The following UBE2G1 variants were observed in gnomAD, a reference collection of about 807,000 sequenced individuals.
The protein encoded by UBE2G1 is ubiquitin-conjugating enzyme E2 G1.
A neutral mutation model predicts 22.7 loss-of-function variants in UBE2G1; 5 were observed. That is an observed-to-expected ratio of 0.22 (90% confidence interval 0.12 to 0.46). UBE2G1 has a LOEUF of 0.46. Ranked by LOEUF, UBE2G1 falls within the 20% of genes least tolerant of loss-of-function variation. The pLI is 0.99. For synonymous variants in UBE2G1, 74 were observed against 67.5 expected (o/e 1.10, Z -0.47); for missense variants, 88 against 203.9 (o/e 0.43, Z 3.46).
intron 1 of UBE2G1, among the ~76,000 whole-genome samples, chr17:4,338,731 T>A (rs1969677864): frequency 6.6e-6 from 1 of 152,206 alleles, no homozygotes; most frequent in East Asian, 1.9e-4. Flanking sequence ...CAAAACAATT[T>A]GATGATCTGG....
At chr17:4,303,815 C>T (rs1366294078) in intron 2 of UBE2G1, among the ~76,000 whole-genome samples, 1 of 152,108 alleles carries the variant, frequency 6.6e-6, no homozygotes, top group Non-Finnish European at 1.5e-5. Flanking sequence ...CAAGGCAATA[C>T]TACAAAACAC....
At chr17:4,363,032 G>C (rs1432261359) in intron 1 of UBE2G1, among the ~76,000 whole-genome samples, 2 of 152,270 alleles carry the variant, frequency 1.3e-5, no homozygotes, top group Non-Finnish European at 2.9e-5. Flanking sequence ...CGAGGCAGGA[G>C]AATCACTTGA....
chr17:4,321,508 T>C (rs1394036869), intron 1 of UBE2G1, among the ~76,000 whole-genome samples: 1 of 152,178 alleles, frequency 6.6e-6, no homozygotes, highest in Non-Finnish European at 1.5e-5. Flanking sequence ...CTTTCTTTTT[T>C]TGGAGACAGA....
At chr17:4,359,030 G>C (rs1969938026) in intron 1 of UBE2G1, among the ~76,000 whole-genome samples, 1 of 151,396 alleles carries the variant, frequency 6.6e-6, no homozygotes, top group Non-Finnish European at 1.5e-5. Context: ...AGAAACCCTA[G>C]AAAATATATA....
At chr17:4,272,704 T>C (rs1288067353) in intron 5 of UBE2G1, among the ~76,000 whole-genome samples, 188 bp from the exon 6 acceptor site, 1 of 152,216 alleles carries the variant, frequency 6.6e-6, no homozygotes, top group Non-Finnish European at 1.5e-5. Flanking sequence ...TGTAAATTAA[T>C]TGCCATTAAG....
At chr17:4,337,101 T>C (rs1158779944) in intron 1 of UBE2G1, among the ~76,000 whole-genome samples, 1 of 152,068 alleles carries the variant, frequency 6.6e-6, no homozygotes, top group Non-Finnish European at 1.5e-5. Flanking sequence ...TCAAAATCAA[T>C]AGAGATTACC....
chr17:4,362,372 GGA>G (rs1247241383), intron 1 of UBE2G1, among the ~76,000 whole-genome samples: 1 of 152,180 alleles, frequency 6.6e-6, no homozygotes, highest in East Asian at 1.9e-4. Flanking sequence ...ATTTGGCAAT[GGA>G]GACATTTATG....
intron 2 of UBE2G1, among the ~76,000 whole-genome samples, chr17:4,299,986 C>T (rs1178578295): frequency 6.6e-6 from 1 of 151,894 alleles, no homozygotes; most frequent in East Asian, 1.9e-4. Context: ...ACCACCACGT[C>T]CCGCTAATTT....
At chr17:4,353,117 T>C (rs185792124) in intron 1 of UBE2G1, among the ~76,000 whole-genome samples, 2 of 151,820 alleles carry the variant, frequency 1.3e-5, no homozygotes, top group African/African-American at 2.4e-5. Flanking sequence ...ACCCAGGAGG[T>C]TGAGGCAGGA....
intron 3 of UBE2G1, 88 bp from the exon 4 acceptor site, chr17:4,289,496 C>T (rs1297598271): frequency 3.0e-6 from 4 of 1,354,300 alleles, no homozygotes; most frequent in Non-Finnish European, 2.9e-6. Context: ...CTGATTCACA[C>T]AGTACCTTTA....
intron 4 of UBE2G1, among the ~76,000 whole-genome samples, chr17:4,284,859 T>G (rs1164386362): frequency 8.6e-6 from 1 of 116,040 alleles, no homozygotes; most frequent in African/African-American, 3.2e-5. Flanking sequence ...TTTTTTTTTT[T>G]TTGGAGATAG....
chr17:4,352,172 T>C (rs1969853124), intron 1 of UBE2G1, among the ~76,000 whole-genome samples: 1 of 152,184 alleles, frequency 6.6e-6, no homozygotes, highest in African/African-American at 2.4e-5. Flanking sequence ...AGGACCTAAG[T>C]AGAAAAGGGA....
intron 2 of UBE2G1, among the ~76,000 whole-genome samples, chr17:4,298,025 G>A (rs577271794): frequency 1.1e-4 from 16 of 152,318 alleles, no homozygotes; most frequent in South Asian, 4.1e-4. Flanking sequence ...GAGCACTGTG[G>A]AGCTTATCAT....
intron 1 of UBE2G1, among the ~76,000 whole-genome samples, chr17:4,341,308 C>T (rs1035377032): frequency 3.9e-5 from 6 of 152,072 alleles, no homozygotes; most frequent in Non-Finnish European, 8.8e-5. Context: ...TGAAAATGTT[C>T]CCCATTTTAC....
intron 1 of UBE2G1, among the ~76,000 whole-genome samples, chr17:4,307,529 A>G (rs1161775408): frequency 6.6e-6 from 1 of 152,136 alleles, no homozygotes; most frequent in Non-Finnish European, 1.5e-5. Flanking sequence ...GTCTAATCAT[A>G]CCTTTTCATT....
At chr17:4,290,032 C>T (rs1381268870) in intron 3 of UBE2G1, among the ~76,000 whole-genome samples, 1 of 152,068 alleles carries the variant, frequency 6.6e-6, no homozygotes, top group Non-Finnish European at 1.5e-5. Flanking sequence ...AATAAGAAAA[C>T]ATCCTTATTT....
chr17:4,340,879 C>T (rs1169065811), intron 1 of UBE2G1, among the ~76,000 whole-genome samples: 4 of 143,376 alleles, frequency 2.8e-5, no homozygotes, highest in Admixed American at 2.8e-4. Flanking sequence ...CACCCGGCCC[C>T]TTAATTCACG....
intron 4 of UBE2G1, among the ~76,000 whole-genome samples, chr17:4,287,217 G>A (rs1968975426): frequency 6.6e-6 from 1 of 151,062 alleles, no homozygotes; most frequent in Non-Finnish European, 1.5e-5. Flanking sequence ...AATTCTCCGT[G>A]CCTCAGTCTC....
At chr17:4,337,208 G>A (rs901227542) in intron 1 of UBE2G1, among the ~76,000 whole-genome samples, 123 of 152,016 alleles carry the variant, frequency 8.1e-4, no homozygotes, top group African/African-American at 2.8e-3. Context: ...GGGCATCCTG[G>A]CGCGTGCCTG....
Sources: allele counts gnomAD v4.1 joint callset (sites outside exome capture counted in the v4.1 genomes callset), GRCh38; gene constraint gnomAD v4.1.1; transcripts MANE v1.5; gene names NCBI Gene and HGNC (gene_info 2026-07-23, HGNC 2026-07-21).